The following GNAQ variants were observed in gnomAD, a reference collection of about 807,000 sequenced individuals.
GNAQ encodes the protein G protein subunit alpha q.
Under a neutral mutation model 43.9 loss-of-function variants are expected in GNAQ, and 8 were observed. The observed-to-expected ratio is 0.18, with a 90% confidence interval of 0.11 to 0.33. The LOEUF (loss-of-function observed/expected upper bound fraction) is 0.33, where lower values mean the gene tolerates loss of function less well. Ranked by LOEUF, GNAQ falls within the 10% of genes least tolerant of loss-of-function variation. GNAQ has a pLI of 1.00. For synonymous variants in GNAQ, 155 were observed against 170.7 expected, an observed-to-expected ratio of 0.91 and a Z score of 0.71; for missense variants, 158 against 450.8, an observed-to-expected ratio of 0.35 and a Z score of 5.88.
chr9:78,030,915 GTGTGTC>G (rs1425811096), intron 1 of GNAQ, among the ~76,000 whole-genome samples, 179 bp downstream of exon 1: 18 of 149,622 alleles, frequency 1.2e-4, no homozygotes, highest in African/African-American at 2.0e-4. Context: ...GTGTGTGTGT[GTGTGTC>G]TGTGTGTAAC....
intron 2 of GNAQ, among the ~76,000 whole-genome samples, chr9:77,844,507 C>T (rs1459118962): frequency 6.6e-6 from 1 of 152,106 alleles, no homozygotes; most frequent in Non-Finnish European, 1.5e-5. Context: ...CAGGCTTCAA[C>T]CAGCTGCTAA....
chr9:77,941,139 A>C (rs558046415), intron 1 of GNAQ, among the ~76,000 whole-genome samples: 9 of 152,352 alleles, frequency 5.9e-5, no homozygotes, highest in Non-Finnish European at 1.2e-4. Flanking sequence ...AGATGTTTTT[A>C]AATGCTCATA....
chr9:77,977,220 G>A (rs1304526090), intron 1 of GNAQ, among the ~76,000 whole-genome samples: 2 of 152,082 alleles, frequency 1.3e-5, no homozygotes, highest in Non-Finnish European at 2.9e-5. Context: ...TAACCCTCTA[G>A]TTAGCTCCTT....
intron 1 of GNAQ, among the ~76,000 whole-genome samples, chr9:77,981,422 C>T (rs553115552): frequency 3.3e-4 from 51 of 152,254 alleles, no homozygotes; most frequent in Admixed American, 7.9e-4. Context: ...GAGGCTGTGC[C>T]CTACAGGCCA....
At chr9:77,872,117 C>G (rs965142289) in intron 2 of GNAQ, among the ~76,000 whole-genome samples, 2 of 152,170 alleles carry the variant, frequency 1.3e-5, no homozygotes, top group East Asian at 3.8e-4. Flanking sequence ...TTATACCTTC[C>G]TACCATATTT....
At chr9:78,030,869 T>C (rs1824044572) in intron 1 of GNAQ, among the ~76,000 whole-genome samples, 1 of 150,634 alleles carries the variant, frequency 6.6e-6, no homozygotes. Context: ...CCGACCCCTG[T>C]GCTGCGTGTG....
chr9:77,875,872 G>C (rs1173458084), intron 2 of GNAQ, among the ~76,000 whole-genome samples: 1 of 152,166 alleles, frequency 6.6e-6, no homozygotes, highest in African/African-American at 2.4e-5. Context: ...GGAAAGTAGA[G>C]GGGAGAGTTT....
intron 5 of GNAQ, among the ~76,000 whole-genome samples, chr9:77,760,801 G>A (rs1825990072): frequency 6.6e-6 from 1 of 151,772 alleles, no homozygotes; most frequent in Non-Finnish European, 1.5e-5. Flanking sequence ...TAGGAAGTGA[G>A]GAGCGTCTCT....
intron 1 of GNAQ, among the ~76,000 whole-genome samples, chr9:78,015,277 G>A (rs566193988): frequency 6.6e-6 from 1 of 152,306 alleles, no homozygotes; most frequent in East Asian, 1.9e-4. Context: ...TAGCCTATAT[G>A]TGTGTTGTAG....
chr9:77,904,579 G>T (rs564182951), intron 2 of GNAQ, among the ~76,000 whole-genome samples: 1 of 151,830 alleles, frequency 6.6e-6, no homozygotes, highest in South Asian at 2.1e-4. Context: ...TGATCTGCCC[G>T]CCTCGGCCTC....
intron 1 of GNAQ, among the ~76,000 whole-genome samples, chr9:77,974,722 ACT>A (rs1432470368): frequency 6.6e-6 from 1 of 152,106 alleles, no homozygotes; most frequent in Non-Finnish European, 1.5e-5. Context: ...AGCTGAGAAG[ACT>A]CTCTGTAATG....
chr9:77,818,996 T>C (rs1368685939), intron 2 of GNAQ, among the ~76,000 whole-genome samples: 3 of 59,696 alleles, frequency 5.0e-5, no homozygotes, highest in African/African-American at 2.1e-4. Flanking sequence ...AGAAATACCA[T>C]CTCTCCAAAA....
intron 3 of GNAQ, among the ~76,000 whole-genome samples, chr9:77,814,540 A>G (rs183787950): frequency 6.6e-6 from 1 of 152,346 alleles, no homozygotes; most frequent in East Asian, 1.9e-4. Context: ...TGATCAGGCA[A>G]CATTTCTGTG....
At chr9:77,850,125 G>T (rs1273750762) in intron 2 of GNAQ, among the ~76,000 whole-genome samples, 2 of 152,190 alleles carry the variant, frequency 1.3e-5, no homozygotes, top group South Asian at 4.1e-4. Context: ...CCTGATGGCC[G>T]CAGGCCCCTT....
At position 77,718,129 on chromosome 9, in the gene GNAQ, A is replaced by G; in HGVS notation, c.*3194T>C. 4.3e-6 allele frequency: 1 copy of G among 232,908 alleles called. No homozygotes were observed. The allele number at this position is 232,908 out of a possible 1,614,324, so 14.4% of individuals were successfully genotyped here. On this transcript the variant is annotated 3_prime_UTR_variant, in exon 7 of 7. Transcript: ENST00000286548. ...GCTGCTTGCCTTGGTATGCTGAAGA[A>G]AGGTTTCTGTGTTTTATGTTTTTGT...
At chr9:77,909,737 C>T (rs1047920181) in intron 2 of GNAQ, among the ~76,000 whole-genome samples, 3 of 149,276 alleles carry the variant, frequency 2.0e-5, no homozygotes, top group South Asian at 2.1e-4. Flanking sequence ...GTAGCAACAA[C>T]TTAAAGGTAT....
chr9:77,786,358 A>C (rs1324841782), intron 5 of GNAQ, among the ~76,000 whole-genome samples: 2 of 150,426 alleles, frequency 1.3e-5, no homozygotes, highest in African/African-American at 4.9e-5. Flanking sequence ...TCTGTCTCAA[A>C]AAAAAAAAAA....
chr9:77,967,244 C>T (rs1405833963), intron 1 of GNAQ, among the ~76,000 whole-genome samples: 1 of 152,134 alleles, frequency 6.6e-6, no homozygotes, highest in East Asian at 1.9e-4. Context: ...CAACAGCTCT[C>T]ACATGGAGGA....
intron 1 of GNAQ, among the ~76,000 whole-genome samples, chr9:77,992,083 C>CAGT (rs1422728561): frequency 6.6e-6 from 1 of 152,194 alleles, no homozygotes; most frequent in African/African-American, 2.4e-5. Flanking sequence ...GGTAGACACC[C>CAGT]AGTAGTGTGA....
Sources: allele counts gnomAD v4.1 joint callset (sites outside exome capture counted in the v4.1 genomes callset), GRCh38; gene constraint gnomAD v4.1.1; transcripts MANE v1.5; gene names NCBI Gene and HGNC (gene_info 2026-07-23, HGNC 2026-07-21).